Variants in FRMPD2 observed in about 807,000 individuals in gnomAD.
FRMPD2 encodes FERM and PDZ domain-containing protein 2.
A neutral mutation model predicts 140.1 loss-of-function variants in FRMPD2; 96 were observed. The observed-to-expected ratio is 0.69, with a 90% CI of 0.58 to 0.81. The LOEUF (loss-of-function observed/expected upper bound fraction) is 0.81. FRMPD2 is among the 40% of genes least tolerant of loss of function. FRMPD2 has a pLI of 0.00. For missense variants in FRMPD2, 1,240 were observed against 1,447.4 expected, an observed-to-expected ratio of 0.86 and a Z score of 2.32; for synonymous variants, 449 against 547.6, an observed-to-expected ratio of 0.82 and a Z score of 2.52.
chr10:48,196,404 A>T (rs1330179262), intron 15 of FRMPD2, among the ~76,000 whole-genome samples: 1 of 152,236 alleles, frequency 6.6e-6, no homozygotes, highest in Non-Finnish European at 1.5e-5. Flanking sequence ...GGACAAGAGT[A>T]CCAGCAGCAA....
rs1236531182 is a variant in FRMPD2 at position 48,240,403 on chromosome 10, C to G, written c.657G>C (p.Glu219Asp). 1.9e-6 allele frequency: 3 copies of G among 1,613,302 alleles called. No homozygotes were observed. Among genetic ancestry groups the G allele is most frequent in the Non-Finnish European group, 2.5e-6 (3 of 1,180,052 alleles). The change falls in exon 6 of 29, where the codon GAG (glutamate) becomes GAC (aspartate). Residue 219 changes from glutamate to aspartate, a missense_variant. This residue lies in a region of FRMPD2 where 1,161 missense variants were observed against 1,055.9 expected (regional missense o/e 1.10). Transcript: ENST00000374201. ...ACTCCGGGGCCTGTGCCGCTGGGCT[C>G]TCGCTGCTTGTCCCACGCAGCCTCT... ...LRKRLRGTSSESPAAQAPECL... is the reference protein window; with the variant it reads ...LRKRLRGTSSDSPAAQAPECL...
intron 12 of FRMPD2, among the ~76,000 whole-genome samples, chr10:48,221,978 T>TTGGATGGATGGATGGATGGATGGATGGA (rs71026203): frequency 7.3e-6 from 1 of 136,280 alleles, no homozygotes. Context: ...GGATGGATGG[T>TTGGATGGATGGATGGATGGATGGATGGA]TGGATGGATG....
intron 16 of FRMPD2, 32 bp from the exon 17 acceptor site, chr10:48,187,324 G>T (rs749145772): frequency 2.5e-6 from 4 of 1,593,896 alleles, no homozygotes; most frequent in Non-Finnish European, 3.4e-6. Flanking sequence ...GTTAGATAAG[G>T]TGGCCCACGG....
chr10:48,163,835 C>A (rs1838021254), intron 27 of FRMPD2, among the ~76,000 whole-genome samples, 164 bp from the exon 28 acceptor site: 1 of 151,130 alleles, frequency 6.6e-6, no homozygotes, highest in Non-Finnish European at 1.5e-5. Context: ...ATGCTCCCGG[C>A]TGGACACTGG....
intron 1 of FRMPD2, among the ~76,000 whole-genome samples, chr10:48,254,453 C>T (rs1840450486): frequency 6.6e-6 from 1 of 152,228 alleles, no homozygotes; most frequent in Non-Finnish European, 1.5e-5. Context: ...TGCTTACCAC[C>T]CTCACCGTGT....
intron 20 of FRMPD2, among the ~76,000 whole-genome samples, chr10:48,183,671 T>C (rs1471788805): frequency 6.6e-6 from 1 of 151,468 alleles, no homozygotes; most frequent in African/African-American, 2.4e-5. Flanking sequence ...GCCAACATAT[T>C]GAAACCCCGT....
chr10:48,263,429 G>C (rs1429266947), intron 1 of FRMPD2, among the ~76,000 whole-genome samples: 2 of 150,864 alleles, frequency 1.3e-5, no homozygotes, highest in African/African-American at 4.9e-5. Flanking sequence ...AAGTAACCAA[G>C]AGAGAAAAAA....
At chr10:48,211,636 G>T (rs1839325171) in intron 13 of FRMPD2, among the ~76,000 whole-genome samples, 1 of 152,026 alleles carries the variant, frequency 6.6e-6, no homozygotes, top group South Asian at 2.1e-4. Flanking sequence ...ACAAAAATTA[G>T]CTGGGTATGG....
chr10:48,166,496 A>G (rs1462712999), intron 27 of FRMPD2, among the ~76,000 whole-genome samples: 48 of 117,874 alleles, frequency 4.1e-4, no homozygotes, highest in Admixed American at 2.2e-3. Context: ...GTGGCTTCCC[A>G]CTGCATGCAG....
chr10:48,232,325 A>G (rs760970822), intron 9 of FRMPD2, 36 bp from the exon 10 acceptor site: 46 of 1,505,188 alleles, frequency 3.1e-5, no homozygotes, highest in Non-Finnish European at 4.1e-5. Context: ...TACTACAATT[A>G]TAAGTCATTG....
chr10:48,208,385 C>T (rs1332239215), intron 13 of FRMPD2, among the ~76,000 whole-genome samples: 1 of 152,158 alleles, frequency 6.6e-6, no homozygotes, highest in African/African-American at 2.4e-5. Context: ...TTCTCTGGGC[C>T]TCAAGATTCC....
intron 16 of FRMPD2, among the ~76,000 whole-genome samples, chr10:48,191,388 T>A (rs1051617218): frequency 2.6e-5 from 4 of 152,182 alleles, no homozygotes; most frequent in African/African-American, 9.7e-5. Context: ...TCTAACCCAG[T>A]TCACTGTGAA....
At chr10:48,224,956 G>C (rs551520518) in intron 10 of FRMPD2, among the ~76,000 whole-genome samples, 1 of 152,354 alleles carries the variant, frequency 6.6e-6, no homozygotes, top group South Asian at 2.1e-4. Flanking sequence ...TTATTTGTGA[G>C]AGAGATCTTT....
chr10:48,233,282 C>T (rs1325999805), intron 9 of FRMPD2, among the ~76,000 whole-genome samples: 1 of 152,200 alleles, frequency 6.6e-6, no homozygotes, highest in African/African-American at 2.4e-5. Context: ...TTCACACATG[C>T]CGCTGGGCAG....
intron 4 of FRMPD2, among the ~76,000 whole-genome samples, chr10:48,243,085 T>C (rs778270596): frequency 2.6e-5 from 4 of 152,200 alleles, no homozygotes; most frequent in Non-Finnish European, 4.4e-5. Flanking sequence ...AGCACCTATC[T>C]CTGTGTACAG....
chr10:48,247,786 G>A (rs1319578044), intron 3 of FRMPD2, among the ~76,000 whole-genome samples: 1 of 152,190 alleles, frequency 6.6e-6, no homozygotes, highest in South Asian at 2.1e-4. Context: ...GGGCATAAGA[G>A]GCAACTCAGT....
chr10:48,219,007 G>A (rs935553611), intron 12 of FRMPD2, among the ~76,000 whole-genome samples: 1 of 152,156 alleles, frequency 6.6e-6, no homozygotes, highest in Non-Finnish European at 1.5e-5. Context: ...GGTATGGGAG[G>A]ATGCGAAAAA....
At chr10:48,193,847 C>G (rs141542192) in intron 15 of FRMPD2, among the ~76,000 whole-genome samples, 1 of 152,138 alleles carries the variant, frequency 6.6e-6, no homozygotes, top group Admixed American at 6.5e-5. Flanking sequence ...ACAGACCCCC[C>G]TCTCTTCTCT....
At chr10:48,229,557 C>T (rs1024058219) in intron 10 of FRMPD2, among the ~76,000 whole-genome samples, 1 of 152,086 alleles carries the variant, frequency 6.6e-6, no homozygotes, top group Admixed American at 6.5e-5. Context: ...GCATGGGAAA[C>T]ATTATCCAAT....
Sources: gnomAD v4.1 joint callset for allele counts (sites outside exome capture counted in the v4.1 genomes callset) on GRCh38, gnomAD v4.1.1 for gene constraint, gnomAD v4.1.1 regional missense constraint, MANE v1.5 for transcripts, NCBI Gene and HGNC (gene_info 2026-07-23, HGNC 2026-07-21) for gene names.